The following FOXP1 variants were observed in gnomAD, a reference collection of about 807,000 sequenced individuals.
The protein encoded by FOXP1 is forkhead box P1.
FOXP1 carries 15 observed loss-of-function variants against 98.2 expected under a neutral mutation model. The ratio of observed to expected loss-of-function variants is 0.15; its 90% CI spans 0.10 to 0.24. The LOEUF (loss-of-function observed/expected upper bound fraction) is 0.24. FOXP1 is among the 10% of genes least tolerant of loss of function. The pLI is 1.00. For synonymous variants in FOXP1, 371 were observed against 314.5 expected (o/e 1.18, Z -1.90); for missense variants, 633 against 848.5 (o/e 0.75, Z 3.15).
At chr3:71,251,464 C>A (rs1261043514) in intron 5 of FOXP1, among the ~76,000 whole-genome samples, 1 of 152,184 alleles carries the variant, frequency 6.6e-6, no homozygotes, top group Non-Finnish European at 1.5e-5. Flanking sequence ...ACTGTAAAAC[C>A]AGCCATACAA....
intron 3 of FOXP1, among the ~76,000 whole-genome samples, chr3:71,363,483 A>G (rs1301938489): frequency 6.6e-6 from 1 of 152,210 alleles, no homozygotes; most frequent in Non-Finnish European, 1.5e-5. Flanking sequence ...GGCACACAAC[A>G]TGTGGGAAGT....
intron 6 of FOXP1, among the ~76,000 whole-genome samples, chr3:71,189,584 GC>G (rs1458266912): frequency 6.6e-6 from 1 of 152,138 alleles, no homozygotes; most frequent in Non-Finnish European, 1.5e-5. Flanking sequence ...TCTTCCCCAT[GC>G]CTCTCTCTTT....
chr3:71,512,037 A>T (rs2042239003), intron 2 of FOXP1, among the ~76,000 whole-genome samples: 1 of 152,194 alleles, frequency 6.6e-6, no homozygotes, highest in Non-Finnish European at 1.5e-5. Context: ...TCAGCCCTTG[A>T]CATAGATTTT....
intron 3 of FOXP1, among the ~76,000 whole-genome samples, chr3:71,485,073 C>T (rs1420790161): frequency 6.6e-6 from 1 of 152,124 alleles, no homozygotes; most frequent in Non-Finnish European, 1.5e-5. Flanking sequence ...ACAAAATGGG[C>T]TGATGAGGTC....
chr3:71,270,301 G>C (rs1196036516), intron 5 of FOXP1, among the ~76,000 whole-genome samples: 2 of 152,148 alleles, frequency 1.3e-5, no homozygotes, highest in Non-Finnish European at 2.9e-5. Flanking sequence ...AGTGCTATTA[G>C]CATTTCAGGG....
At chr3:71,327,095 A>T (rs1159886631) in intron 4 of FOXP1, among the ~76,000 whole-genome samples, 1 of 152,048 alleles carries the variant, frequency 6.6e-6, no homozygotes, top group Non-Finnish European at 1.5e-5. Context: ...ACCATGTTAC[A>T]CGGTCTCCCT....
intron 14 of FOXP1, among the ~76,000 whole-genome samples, chr3:70,980,233 C>A (rs1347717928): frequency 6.6e-6 from 1 of 152,154 alleles, no homozygotes; most frequent in Non-Finnish European, 1.5e-5. Flanking sequence ...GGGCCTTAAT[C>A]ACTGACCAAG....
intron 5 of FOXP1, among the ~76,000 whole-genome samples, chr3:71,206,439 C>T (rs2064041259): frequency 1.3e-5 from 2 of 152,142 alleles, no homozygotes; most frequent in Admixed American, 6.5e-5. Flanking sequence ...TATATATGGA[C>T]AATTCAGATG....
chr3:71,181,505 C>T (rs867420190), intron 6 of FOXP1, among the ~76,000 whole-genome samples: 6 of 151,490 alleles, frequency 4.0e-5, no homozygotes, highest in Middle Eastern at 3.2e-3. Flanking sequence ...CGAGTGTAGG[C>T]GCTGGTGGGT....
chr3:71,017,011 A>G (rs1363297382), intron 11 of FOXP1, among the ~76,000 whole-genome samples: 1 of 152,142 alleles, frequency 6.6e-6, no homozygotes, highest in Non-Finnish European at 1.5e-5. Flanking sequence ...TTAGAATAAA[A>G]AAAAAGGAAA....
chr3:71,033,110 G>A (rs112406243), intron 11 of FOXP1, among the ~76,000 whole-genome samples: 2 of 152,284 alleles, frequency 1.3e-5, no homozygotes, highest in Non-Finnish European at 2.9e-5. Flanking sequence ...TAAATGTTAA[G>A]GAAAGCTAAG....
At chr3:71,461,500 T>A (rs2088104767) in intron 3 of FOXP1, among the ~76,000 whole-genome samples, 1 of 151,312 alleles carries the variant, frequency 6.6e-6, no homozygotes, top group Non-Finnish European at 1.5e-5. Context: ...TCTCAAAAAA[T>A]CAAAAAGAAG....
rs552446285 is a variant in FOXP1, at chr3:71,201,072, G to T, written c.-11-2680C>A. Among the ~76,000 whole-genome samples, 6 of 152,150 alleles carry T rather than the reference G, an allele frequency of 3.9e-5. No individual in the cohort carries two copies. The East Asian group carries it at 5.8e-4, about 15-fold the overall frequency. On this transcript the variant is annotated intron_variant, in intron 5 of 20. Coordinates refer to ENST00000649528, the MANE Select transcript of FOXP1 (RefSeq NM_001349338.3). ...AACAGCTGATTCACTCTCATTTTTT[G>T]ATTTCTATTATTATTTTTTCATTCT...
At chr3:71,438,910 G>GA (rs1174886807) in intron 3 of FOXP1, among the ~76,000 whole-genome samples, 1 of 152,032 alleles carries the variant, frequency 6.6e-6, no homozygotes, top group African/African-American at 2.4e-5. Flanking sequence ...CCCACTGGTG[G>GA]AGACCACAGG....
chr3:71,321,904 G>A (rs965969045), intron 4 of FOXP1, among the ~76,000 whole-genome samples: 25 of 152,208 alleles, frequency 1.6e-4, no homozygotes, highest in African/African-American at 7.2e-5. Context: ...ACAGGCGTGA[G>A]CCACTGTGCC....
At chr3:71,425,006 A>C (rs1235306536) in intron 3 of FOXP1, among the ~76,000 whole-genome samples, 1 of 152,256 alleles carries the variant, frequency 6.6e-6, no homozygotes, top group Non-Finnish European at 1.5e-5. Context: ...AAAAGAAAAA[A>C]AGCACTATCT....
At position 71,158,083 on chromosome 3, in the gene FOXP1, A is replaced by AAGGAAG. The variant is rs1391195041; in HGVS notation, c.180+40118_180+40119insCTTCCT. ...AGCCTGGGTGGGAGGGTAAGACGAA[A>AAGGAAG]GAAGGAAGGAAGGAAGGAAGGAAGG... On this transcript the variant is annotated intron_variant, in intron 6 of 20. Transcript: ENST00000649528. Among the ~76,000 whole-genome samples, 65 of 42,092 alleles carry AAGGAAG rather than the reference A, an allele frequency of 1.5e-3. 9 individuals carry two copies. Among genetic ancestry groups the AAGGAAG allele is most frequent in the East Asian group, 5.1e-3 (4 of 780 alleles). 27.6% of individuals were successfully genotyped at this position (42,092 alleles called of 152,430 possible). A position where few individuals can be genotyped will look rare whatever the true frequency, so the allele number is the denominator to read the frequency against.
chr3:71,155,314 T>C (rs2060767690), intron 6 of FOXP1, among the ~76,000 whole-genome samples: 1 of 152,206 alleles, frequency 6.6e-6, no homozygotes, highest in African/African-American at 2.4e-5. Context: ...CCAAGAGCAA[T>C]ATAATGTAAG....
intron 2 of FOXP1, among the ~76,000 whole-genome samples, chr3:71,499,550 G>C (rs1274485057): frequency 2.6e-5 from 4 of 152,182 alleles, no homozygotes; most frequent in Non-Finnish European, 5.9e-5. Context: ...AGAAAACTTG[G>C]GAGTCCCCTG....
Sources: allele counts gnomAD v4.1 joint callset (sites outside exome capture counted in the v4.1 genomes callset), GRCh38; gene constraint gnomAD v4.1.1; transcripts MANE v1.5; gene names NCBI Gene and HGNC (gene_info 2026-07-23, HGNC 2026-07-21).